Variants in DOCK7 observed in about 807,000 individuals in gnomAD.
DOCK7 encodes dedicator of cytokinesis protein 7.
Under a neutral mutation model 271.0 loss-of-function variants are expected in DOCK7, and 138 were observed. The ratio of observed to expected loss-of-function variants is 0.51; its 90% confidence interval spans 0.44 to 0.59. The LOEUF (loss-of-function observed/expected upper bound fraction) is 0.59, where lower values mean the gene tolerates loss of function less well. Ranked by LOEUF, DOCK7 falls within the 20% of genes least tolerant of loss-of-function variation. The probability of loss-of-function intolerance (pLI) is 0.00; values close to 1 mark genes in which losing one functional copy is unlikely to be tolerated. For synonymous variants in DOCK7, 823 were observed against 876.1 expected, an observed-to-expected ratio of 0.94 and a Z score of 1.07; for missense variants, 2,066 against 2,592.4, an observed-to-expected ratio of 0.80 and a Z score of 4.41.
chr1:62,681,471 G>A (rs1278823687), intron 1 of DOCK7, among the ~76,000 whole-genome samples: 19 of 149,942 alleles, frequency 1.3e-4, no homozygotes, highest in East Asian at 1.2e-3. Context: ...CCAACATGGC[G>A]CATGTATACA....
At chr1:62,664,584 T>C (rs1167718474) in intron 1 of DOCK7, among the ~76,000 whole-genome samples, 1 of 152,142 alleles carries the variant, frequency 6.6e-6, no homozygotes, top group Non-Finnish European at 1.5e-5. Context: ...ACACGGGATG[T>C]TTCGGACAAT....
At chr1:62,468,433 T>C (rs1291972928) in intron 48 of DOCK7, among the ~76,000 whole-genome samples, 1 of 150,456 alleles carries the variant, frequency 6.6e-6, no homozygotes, top group Non-Finnish European at 1.5e-5. Flanking sequence ...AAAAGCCATC[T>C]ATGACAAATC....
At position 62,575,397 on chromosome 1, in the gene DOCK7, C is replaced by T. The variant is rs143011847; in HGVS notation, c.2112+1865G>A. ...ACAATGAGGATGAAGGCCTTGATGA[C>T]GATCCACTTCTACTTAGTGATAGTA... On this transcript the variant is annotated intron_variant, in intron 18 of 49. Coordinates refer to ENST00000635253, the MANE Select transcript of DOCK7 (RefSeq NM_001367561.1). Among the ~76,000 whole-genome samples the T allele has an allele frequency of 1.2e-4, 19 of 152,210 alleles. No individual in the cohort carries two copies. The East Asian group carries it at 2.9e-3, about 23-fold the overall frequency.
intron 28 of DOCK7, among the ~76,000 whole-genome samples, chr1:62,536,755 TTAAC>T (rs1303918105): frequency 2.0e-5 from 3 of 152,176 alleles, no homozygotes; most frequent in South Asian, 2.1e-4. Flanking sequence ...AGTATTAAGA[TTAAC>T]TAACTTTCAC....
At position 62,479,724 on chromosome 1, in the gene DOCK7, C is replaced by T. The variant is rs554914069; in HGVS notation, c.5509-1899G>A. On this transcript the variant is annotated intron_variant, in intron 43 of 49. Coordinates refer to ENST00000635253, the MANE Select transcript of DOCK7 (RefSeq NM_001367561.1). ...TTTGAGACAGGGTCTCACTCCATTA[C>T]CCAGACTGGAATACAGTGGTGCAAC... is the stretch of plus-strand genomic sequence containing the variant. 9 of 382,360 alleles carry T rather than the reference C, an allele frequency of 2.4e-5. No individual in the cohort carries two copies. The East Asian group carries it at 6.8e-4, about 29-fold the overall frequency. The allele number at this position is 382,360 out of a possible 1,614,324, so 23.7% of individuals were successfully genotyped here. A position where few individuals can be genotyped will look rare whatever the true frequency, so the allele number is the denominator to read the frequency against.
intron 14 of DOCK7, among the ~76,000 whole-genome samples, chr1:62,611,104 C>G (rs1004746316): frequency 1.3e-5 from 2 of 152,108 alleles, no homozygotes; most frequent in Non-Finnish European, 2.9e-5. Flanking sequence ...TTATAGACAT[C>G]TCAAAATATT....
chr1:62,557,022 A>C (rs1170472252), intron 20 of DOCK7, among the ~76,000 whole-genome samples: 1 of 151,852 alleles, frequency 6.6e-6, no homozygotes, highest in African/African-American at 2.4e-5. Context: ...TCACAGAAGA[A>C]ATGTATAAAG....
At chr1:62,653,659 T>G in intron 4 of DOCK7, 66 bp downstream of exon 4, 1 of 1,033,112 alleles carries the variant, frequency 9.7e-7, no homozygotes, top group Non-Finnish European at 1.5e-6. Flanking sequence ...ACATTACGAA[T>G]CTGCCTTAAT....
chr1:62,579,695 G>GA (rs34924913), intron 16 of DOCK7, among the ~76,000 whole-genome samples: 1,250 of 63,830 alleles, frequency 0.02, 49 homozygotes, highest in African/African-American at 0.053. Flanking sequence ...GAGTGAGACC[G>GA]AAAAAAAAAA....
At chr1:62,545,627 G>A (rs1013631738) in intron 22 of DOCK7, among the ~76,000 whole-genome samples, 2 of 152,002 alleles carry the variant, frequency 1.3e-5, no homozygotes, top group African/African-American at 2.4e-5. Context: ...ATTTGGAGCT[G>A]CACTTATAAT....
At chr1:62,630,906 C>T (rs1340147431) in intron 11 of DOCK7, among the ~76,000 whole-genome samples, 10 of 151,970 alleles carry the variant, frequency 6.6e-5, no homozygotes, top group South Asian at 4.2e-4. Flanking sequence ...AAAAAGAGGC[C>T]GGGCATGGTG....
chr1:62,553,360 T>A (rs1276142696), intron 21 of DOCK7, among the ~76,000 whole-genome samples: 40 of 6,796 alleles, frequency 5.9e-3, no homozygotes, highest in African/African-American at 0.017. Flanking sequence ...ATATATTTTT[T>A]TTTTTTTTTT....
At chr1:62,499,441 T>C (rs1345326613) in intron 37 of DOCK7, among the ~76,000 whole-genome samples, 1 of 152,110 alleles carries the variant, frequency 6.6e-6, no homozygotes, top group Non-Finnish European at 1.5e-5. Flanking sequence ...AATTCATTTA[T>C]TAGAAAAATG....
intron 16 of DOCK7, among the ~76,000 whole-genome samples, chr1:62,580,069 A>T (rs1368401718): frequency 6.6e-6 from 1 of 152,210 alleles, no homozygotes; most frequent in Non-Finnish European, 1.5e-5. Flanking sequence ...AGTATCTCTC[A>T]GAATTACATT....
At chr1:62,474,953 G>A (rs904603967) in intron 47 of DOCK7, among the ~76,000 whole-genome samples, 5 of 152,150 alleles carry the variant, frequency 3.3e-5, no homozygotes, top group African/African-American at 1.2e-4. Flanking sequence ...GTAGAGGTTC[G>A]CAAATATGTA....
intron 12 of DOCK7, among the ~76,000 whole-genome samples, chr1:62,621,381 G>C (rs1023194151): frequency 6.6e-6 from 1 of 152,066 alleles, no homozygotes; most frequent in Admixed American, 6.5e-5. Context: ...AAAATAGCTA[G>C]AGTTTTTCTT....
intron 48 of DOCK7, among the ~76,000 whole-genome samples, chr1:62,467,077 C>T (rs939771822): frequency 1.3e-5 from 2 of 152,114 alleles, no homozygotes; most frequent in Admixed American, 6.5e-5. Context: ...AGTGTCAGCA[C>T]TATGGAAGAG....
rs185749200 is a variant in DOCK7, at chr1:62,459,553, C to T, written c.6213-1848G>A. Among the ~76,000 whole-genome samples the T allele has an allele frequency of 2.0e-4, 30 of 152,016 alleles. 1 individual carries two copies. The highest frequency in any genetic ancestry group is 6.6e-4 in the Admixed American group (10 of 15,264). ...AACTGTACAATTTCATACAAAAAAA[C>T]CCTCTGAATTTATATTCATTGATAT... On this transcript the variant is annotated intron_variant, in intron 48 of 49. Transcript: ENST00000635253.
intron 2 of DOCK7, among the ~76,000 whole-genome samples, chr1:62,658,476 A>G (rs943894360): frequency 2.6e-5 from 4 of 152,104 alleles, no homozygotes; most frequent in Admixed American, 2.0e-4. Flanking sequence ...AAAATAAAAT[A>G]AAACAAAATC....
Sources: gnomAD v4.1 joint callset for allele counts (sites outside exome capture counted in the v4.1 genomes callset) on GRCh38, gnomAD v4.1.1 for gene constraint, MANE v1.5 for transcripts, NCBI Gene and HGNC (gene_info 2026-07-23, HGNC 2026-07-21) for gene names.